Variants in SLCO1B3 observed in about 807,000 individuals in gnomAD.
SLCO1B3 encodes the protein liver-specific organic anion transporter 2.
A neutral mutation model predicts 71.8 loss-of-function variants in SLCO1B3; 72 were observed. The ratio of observed to expected loss-of-function variants is 1.00; its 90% CI spans 0.83 to 1.22. The LOEUF (loss-of-function observed/expected upper bound fraction) is 1.22, where lower values mean the gene tolerates loss of function less well. SLCO1B3 is among the 50% of genes most tolerant of loss of function. SLCO1B3 has a pLI of 0.00. For synonymous variants in SLCO1B3, 298 were observed against 278.4 expected (o/e 1.07, Z -0.70); for missense variants, 911 against 819.7 (o/e 1.11, Z -1.36).
rs181677993 is a variant in SLCO1B3, at chr12:20,912,813, C to T, written c.1866-3191C>T. ...CTGGGATTACAGGTGTGAGCCACTG[C>T]GCCCAGCCTTTTTTTTTTTTTTTTG... On this transcript the variant is annotated intron_variant, in intron 15 of 15. Transcript: ENST00000381545. Among the ~76,000 whole-genome samples the T allele has an allele frequency of 3.7e-3, 527 of 142,386 alleles. 4 individuals are homozygous for T. The highest frequency in any genetic ancestry group is 0.012 in the African/African-American group (500 of 40,136). 93.4% of individuals were successfully genotyped at this position (142,386 alleles called of 152,430 possible). A position where few individuals can be genotyped will look rare whatever the true frequency, so the allele number is the denominator to read the frequency against.
At chr12:20,851,666 A>T (rs1280783760) in intron 3 of SLCO1B3, among the ~76,000 whole-genome samples, 2 of 152,084 alleles carry the variant, frequency 1.3e-5, no homozygotes, top group African/African-American at 4.8e-5. Flanking sequence ...TTTAAGTTTG[A>T]TGTAGTCACA....
chr12:20,812,475 A>C (rs545332164), intron 1 of SLCO1B3, among the ~76,000 whole-genome samples: 1 of 152,286 alleles, frequency 6.6e-6, no homozygotes, highest in South Asian at 2.1e-4. Context: ...TACAGCCAAG[A>C]GATAGGGAAG....
intron 13 of SLCO1B3, among the ~76,000 whole-genome samples, chr12:20,888,812 A>T (rs184242863): frequency 1.5e-3 from 224 of 152,078 alleles, no homozygotes; most frequent in Non-Finnish European, 2.6e-3. Context: ...TCAGTATGTT[A>T]TTGACTGTGG....
intron 8 of SLCO1B3, among the ~76,000 whole-genome samples, chr12:20,864,849 A>G (rs1375888192): frequency 2.0e-5 from 3 of 152,276 alleles, no homozygotes; most frequent in South Asian, 2.1e-4. Flanking sequence ...GACATAACAT[A>G]AATGAGTAAA....
chr12:20,837,963 C>G (rs1436003756), intron 3 of SLCO1B3, among the ~76,000 whole-genome samples: 1 of 152,000 alleles, frequency 6.6e-6, no homozygotes, highest in African/African-American at 2.4e-5. Flanking sequence ...TCTATTTCTC[C>G]TTGCAGTTCT....
At chr12:20,896,886 G>GA (rs1199847146) in intron 13 of SLCO1B3, among the ~76,000 whole-genome samples, 3 of 152,146 alleles carry the variant, frequency 2.0e-5, no homozygotes, top group African/African-American at 4.8e-5. Context: ...AATCATGGTC[G>GA]AAGGCAAGGA....
intron 3 of SLCO1B3, among the ~76,000 whole-genome samples, chr12:20,824,783 G>A (rs1039846963): frequency 6.6e-6 from 1 of 152,006 alleles, no homozygotes; most frequent in African/African-American, 2.4e-5. Context: ...TGTCTCTTTT[G>A]GACTTCCGGT....
At chr12:20,832,152 A>G (rs1255462154) in intron 3 of SLCO1B3, among the ~76,000 whole-genome samples, 1 of 152,136 alleles carries the variant, frequency 6.6e-6, no homozygotes, top group Non-Finnish European at 1.5e-5. Context: ...CTATTTAATG[A>G]TATACCTTAT....
In SLCO1B3 at chr12:20,879,508, CT is replaced by C. The variant is rs1865648513; in HGVS notation, c.1211del (p.Leu404Ter). 1 of 1,610,972 alleles carries C rather than the reference CT, an allele frequency of 6.2e-7. No homozygotes were observed. The highest frequency in any genetic ancestry group is 1.3e-5 in the African/African-American group (1 of 74,790). ...GGFIIKKFKL[S>X]LVGIAKFSFL... ...TTTATCATTAAAAAATTCAAATTGT[CT>C]TTAGTTGGAATTGCCAAATTTTCAT... is the stretch of plus-strand genomic sequence containing the variant. On this transcript the variant is annotated frameshift_variant, in exon 11 of 16. Coordinates refer to ENST00000381545, the MANE Select transcript of SLCO1B3 (RefSeq NM_019844.4). LOFTEE classifies it high-confidence loss of function.
At position 20,819,206 on chromosome 12, in the gene SLCO1B3, A is replaced by T. The variant is rs535457006; in HGVS notation, c.84+3384A>T. ...TGTAAGAATTCTGACCACATTAACC[A>T]TGCCTAGGAAGGAAAGGAGTTGTTG... On this transcript the variant is annotated intron_variant, in intron 3 of 15. Transcript: ENST00000381545. Among the ~76,000 whole-genome samples, 3 of 152,302 alleles carry T rather than the reference A, an allele frequency of 2.0e-5. No homozygotes were observed. The East Asian group carries it at 5.8e-4, about 29-fold the overall frequency.
chr12:20,851,349 A>G (rs1191639702), intron 3 of SLCO1B3, among the ~76,000 whole-genome samples: 1 of 152,136 alleles, frequency 6.6e-6, no homozygotes, highest in Non-Finnish European at 1.5e-5. Flanking sequence ...TTCTTTGAAT[A>G]GTGAGTATTC....
intron 3 of SLCO1B3, among the ~76,000 whole-genome samples, chr12:20,831,441 T>C (rs1236359556): frequency 6.6e-6 from 1 of 150,528 alleles, no homozygotes; most frequent in East Asian, 2.0e-4. Context: ...TGATTAATCA[T>C]ATCTACAAGT....
At chr12:20,819,384 G>C (rs1591740927) in intron 3 of SLCO1B3, among the ~76,000 whole-genome samples, 1 of 152,172 alleles carries the variant, frequency 6.6e-6, no homozygotes, top group Non-Finnish European at 1.5e-5. Flanking sequence ...AAGCCTTGTG[G>C]CAGTGCAGCC....
intron 13 of SLCO1B3, among the ~76,000 whole-genome samples, chr12:20,886,930 C>A (rs1865802266): frequency 6.6e-6 from 1 of 151,960 alleles, no homozygotes; most frequent in Non-Finnish European, 1.5e-5. Context: ...TCCTTGTGTG[C>A]CCATTGTTTA....
At chr12:20,908,533 T>C (rs1360434533) in intron 15 of SLCO1B3, among the ~76,000 whole-genome samples, 2 of 152,232 alleles carry the variant, frequency 1.3e-5, no homozygotes, top group African/African-American at 4.8e-5. Flanking sequence ...GCTCTGCCTG[T>C]TCATTCATCC....
At position 20,912,301 on chromosome 12, in the gene SLCO1B3, TTTTATTTATTTATTTATTTATTTA is replaced by T. The variant is rs142241896; in HGVS notation, c.1866-3679_1866-3656del. ...CAAATTTCTTCTATTTTATTTTTATTTTTATTTATTTATTTATTTATTTATTTATTTATTTATTTATTTATTTTG... is the reference window on the plus strand; with the variant it reads ...CAAATTTCTTCTATTTTATTTTTATTTTTATTTATTTATTTATTTATTTTG... On this transcript the variant is annotated intron_variant, in intron 15 of 15. Coordinates refer to ENST00000381545, the MANE Select transcript of SLCO1B3 (RefSeq NM_019844.4). Among the ~76,000 whole-genome samples, 122 of 139,702 alleles carry T rather than the reference TTTTATTTATTTATTTATTTATTTA, an allele frequency of 8.7e-4. 2 individuals carry two copies. In the South Asian group the frequency reaches 0.026, roughly 29 times the overall value. The allele number at this position is 139,702 out of a possible 152,430, so 91.6% of individuals were successfully genotyped here.
intron 3 of SLCO1B3, among the ~76,000 whole-genome samples, chr12:20,829,313 C>A (rs558033067): frequency 6.6e-6 from 1 of 152,292 alleles, no homozygotes; most frequent in African/African-American, 2.4e-5. Context: ...GAATGGGGCC[C>A]AGGCTGAACA....
At chr12:20,827,801 C>T (rs974895275) in intron 3 of SLCO1B3, among the ~76,000 whole-genome samples, 1 of 152,160 alleles carries the variant, frequency 6.6e-6, no homozygotes, top group African/African-American at 2.4e-5. Flanking sequence ...AACTCCTGAC[C>T]TCATGATCCG....
At chr12:20,825,261 C>G (rs1295717964) in intron 3 of SLCO1B3, among the ~76,000 whole-genome samples, 2 of 152,088 alleles carry the variant, frequency 1.3e-5, no homozygotes, top group African/African-American at 2.4e-5. Context: ...TATGGAAACT[C>G]TGAACTAAGT....
Sources: gnomAD v4.1 joint callset for allele counts (sites outside exome capture counted in the v4.1 genomes callset) on GRCh38, gnomAD v4.1.1 for gene constraint, MANE v1.5 for transcripts, NCBI Gene and HGNC (gene_info 2026-07-23, HGNC 2026-07-21) for gene names.